The following FSHR variants were observed in gnomAD, a reference collection of about 807,000 sequenced individuals.
FSHR encodes the protein follicle-stimulating hormone receptor.
A neutral mutation model predicts 52.1 loss-of-function variants in FSHR; 46 were observed. The ratio of observed to expected loss-of-function variants is 0.88; its 90% CI spans 0.70 to 1.13. FSHR has a LOEUF of 1.13. Among genes scored for constraint, FSHR ranks in the 50% most tolerant of loss-of-function variants. FSHR has a pLI of 0.00. For missense variants in FSHR, 964 were observed against 834.6 expected (o/e 1.16, Z -1.91); for synonymous variants, 399 against 309.6 (o/e 1.29, Z -3.03).
At chr2:48,966,790 A>G (rs1674495433) in intron 9 of FSHR, among the ~76,000 whole-genome samples, 1 of 152,222 alleles carries the variant, frequency 6.6e-6, no homozygotes, top group South Asian at 2.1e-4. Context: ...ACCACCTATC[A>G]CAATTTTTGT....
In FSHR at chr2:48,963,153, C is replaced by T. The variant is rs773145656; in HGVS notation, c.1668G>A (p.Val556=). 1.2e-6 allele frequency: 2 copies of T among 1,614,042 alleles called. No homozygotes were observed. The highest frequency in any genetic ancestry group is 1.1e-5 in the South Asian group (1 of 91,062). Residue 556 remains valine, a synonymous_variant, in exon 10 of 10, where the codon GTG becomes GTA. Transcript: ENST00000406846. ...CGCYIHIYLT[V]RNPNIVSSSS... ...AGGAGGACACGATGTTGGGGTTCCG[C>T]ACTGTGAGGTAGATGTGGATATAGC...
At chr2:49,040,895 G>A (rs1668457466) in intron 2 of FSHR, among the ~76,000 whole-genome samples, 1 of 152,164 alleles carries the variant, frequency 6.6e-6, no homozygotes, top group Non-Finnish European at 1.5e-5. Context: ...GCCCAGCGTT[G>A]ATTGATAAAG....
intron 2 of FSHR, among the ~76,000 whole-genome samples, chr2:49,021,875 A>C (rs1364277882): frequency 1.8e-4 from 9 of 51,162 alleles, no homozygotes; most frequent in East Asian, 1.4e-3. Flanking sequence ...ATATATATAT[A>C]TATATATATA....
At chr2:49,081,225 T>A (rs1469119022) in intron 1 of FSHR, among the ~76,000 whole-genome samples, 5 of 152,144 alleles carry the variant, frequency 3.3e-5, no homozygotes, top group Non-Finnish European at 7.4e-5. Flanking sequence ...AAAGACTAAA[T>A]TTTAAAACAG....
chr2:49,072,709 A>G (rs897057010), intron 1 of FSHR, among the ~76,000 whole-genome samples: 1 of 152,178 alleles, frequency 6.6e-6, no homozygotes, highest in African/African-American at 2.4e-5. Flanking sequence ...TTATAAGGTT[A>G]AGTTTCTCTT....
chr2:49,145,875 T>C (rs1365658019), intron 1 of FSHR, among the ~76,000 whole-genome samples: 1 of 152,014 alleles, frequency 6.6e-6, no homozygotes, highest in Non-Finnish European at 1.5e-5. Context: ...TGAGTAATAT[T>C]GGAGTAGGAG....
intron 1 of FSHR, among the ~76,000 whole-genome samples, chr2:49,136,504 T>C (rs1372420155): frequency 6.6e-6 from 1 of 152,104 alleles, no homozygotes; most frequent in Non-Finnish European, 1.5e-5. Context: ...ACTTTTGCAC[T>C]CATTCTATGA....
At chr2:49,124,681 T>TC (rs1413698618) in intron 1 of FSHR, among the ~76,000 whole-genome samples, 1 of 152,210 alleles carries the variant, frequency 6.6e-6, no homozygotes, top group Non-Finnish European at 1.5e-5. Context: ...TCCGACCCCT[T>TC]CTCATCACCT....
intron 5 of FSHR, among the ~76,000 whole-genome samples, chr2:48,989,836 G>A (rs781183304): frequency 4.6e-5 from 7 of 152,004 alleles, no homozygotes; most frequent in Admixed American, 6.5e-5. Flanking sequence ...CATTTCCCCC[G>A]TCAACCTTCC....
intron 1 of FSHR, among the ~76,000 whole-genome samples, chr2:49,092,334 C>T (rs962416865): frequency 6.6e-6 from 1 of 152,080 alleles, no homozygotes; most frequent in Non-Finnish European, 1.5e-5. Context: ...CAATTTTGTT[C>T]CTGTGTTTCC....
chr2:49,117,556 G>A (rs969598191), intron 1 of FSHR, among the ~76,000 whole-genome samples: 2 of 152,178 alleles, frequency 1.3e-5, no homozygotes, highest in Non-Finnish European at 2.9e-5. Flanking sequence ...TCCGAAGACT[G>A]GGGTTTTATT....
intron 9 of FSHR, among the ~76,000 whole-genome samples, chr2:48,964,920 A>C (rs1335984958): frequency 6.6e-6 from 1 of 152,064 alleles, no homozygotes; most frequent in African/African-American, 2.4e-5. Context: ...AGAAACAAGA[A>C]AGGTAATACT....
intron 2 of FSHR, among the ~76,000 whole-genome samples, chr2:49,053,337 T>C (rs1018973062): frequency 6.6e-6 from 1 of 152,204 alleles, no homozygotes; most frequent in Non-Finnish European, 1.5e-5. Flanking sequence ...TCCAGTGTTA[T>C]AATAACACAT....
rs753919578 is a variant in FSHR, at chr2:48,989,006, G to A, written c.495C>T (p.Phe165=). ...TCACACTTTCAAAGCTCAGCCCCAC[G>A]AAAGAATTTCTTTCAATTGTGTGGA... ...INIHTIERNS[F]VGLSFESVIL... is the part of the protein sequence containing the mutation. The change falls in exon 6 of 10, where the codon TTC becomes TTT. Residue 165 remains phenylalanine, a synonymous_variant. Transcript: ENST00000406846. 40 of 1,613,760 alleles carry A rather than the reference G, an allele frequency of 2.5e-5. No individual in the cohort carries two copies. The highest frequency in any genetic ancestry group is 2.5e-5 in the Non-Finnish European group (29 of 1,179,856).
intron 2 of FSHR, among the ~76,000 whole-genome samples, chr2:49,067,343 CTTAAAGGGATATAAAAG>C (rs1669544698): frequency 6.6e-6 from 1 of 152,030 alleles, no homozygotes; most frequent in African/African-American, 2.4e-5. Context: ...AAGTACTATT[CTTAAAGGGATATAAAAG>C]AACCAAAAAG....
chr2:48,996,101 C>A (rs1020276292), intron 4 of FSHR, among the ~76,000 whole-genome samples: 8 of 152,122 alleles, frequency 5.3e-5, no homozygotes, highest in African/African-American at 1.7e-4. Flanking sequence ...AAGTTGAACT[C>A]TTTTCTCTAC....
chr2:49,099,865 G>C (rs1364841524), intron 1 of FSHR, among the ~76,000 whole-genome samples: 4 of 152,138 alleles, frequency 2.6e-5, no homozygotes, highest in Non-Finnish European at 5.9e-5. Context: ...AGAACTGTGA[G>C]AGAATACATT....
intron 1 of FSHR, among the ~76,000 whole-genome samples, chr2:49,123,550 A>G (rs1359205702): frequency 6.6e-6 from 1 of 152,224 alleles, no homozygotes; most frequent in South Asian, 2.1e-4. Context: ...GAGGTGATGA[A>G]TATGTTAATT....
At chr2:48,978,053 AT>A (rs2104042949) in intron 8 of FSHR, among the ~76,000 whole-genome samples, 1 of 152,352 alleles carries the variant, frequency 6.6e-6, no homozygotes, top group East Asian at 1.9e-4. Context: ...CCATGGGATT[AT>A]GACTTGCACA....
Sources: allele counts gnomAD v4.1 joint callset (sites outside exome capture counted in the v4.1 genomes callset), GRCh38; gene constraint gnomAD v4.1.1; transcripts MANE v1.5; gene names NCBI Gene and HGNC (gene_info 2026-07-23, HGNC 2026-07-21).